The following IQCM variants were observed in gnomAD, a reference collection of about 807,000 sequenced individuals.
The protein encoded by IQCM is IQ motif containing M, also known as IQ domain-containing protein M.
In IQCM, 45 loss-of-function variants were observed where a neutral mutation model predicts 57.6. The ratio of observed to expected loss-of-function variants is 0.78; its 90% CI spans 0.62 to 1.00. The LOEUF (loss-of-function observed/expected upper bound fraction) is 1.00. Among genes scored for constraint, IQCM ranks in the 50% least tolerant of loss-of-function variants. The pLI, the probability that IQCM is intolerant of heterozygous loss-of-function variation, is 0.00. For missense variants in IQCM, 468 were observed against 511.6 expected (o/e 0.91, Z 0.82); for synonymous variants, 148 against 158.9 (o/e 0.93, Z 0.51).
At chr4:149,533,986 C>A (rs1747021924) in intron 12 of IQCM, among the ~76,000 whole-genome samples, 1 of 152,036 alleles carries the variant, frequency 6.6e-6, no homozygotes. Context: ...TGAAAAAGTC[C>A]AAGAATGATA....
At chr4:149,562,804 TAC>T (rs1392152836) in intron 10 of IQCM, among the ~76,000 whole-genome samples, 1 of 152,198 alleles carries the variant, frequency 6.6e-6, no homozygotes, top group Non-Finnish European at 1.5e-5. Context: ...TAAAAATTTA[TAC>T]CCAGAGATAG....
intron 7 of IQCM, among the ~76,000 whole-genome samples, chr4:149,674,849 G>A (rs1761612918): frequency 6.6e-6 from 1 of 152,016 alleles, no homozygotes; most frequent in East Asian, 1.9e-4. Context: ...AAAATTACAA[G>A]AGAGTGTTGT....
Position 149,760,085 on chromosome 4 carries a change from G to A in IQCM, c.-48-17346C>T, listed in dbSNP as rs1580224642. On this transcript the variant is annotated intron_variant, in intron 2 of 13. Coordinates refer to ENST00000636793, the MANE Select transcript of IQCM (RefSeq NM_001363507.2). ...TATTAGGAAAAATGGCAAGGCTGAA[G>A]ATGATGGGGAGAGAAGTCTAGATTT... Among the ~76,000 whole-genome samples, 3 of 152,146 alleles carry A rather than the reference G, an allele frequency of 2.0e-5. No homozygotes were observed. In the East Asian group the frequency reaches 5.8e-4, roughly 29 times the overall value.
chr4:149,527,988 GTT>G (rs201549907), intron 12 of IQCM, among the ~76,000 whole-genome samples: 119,939 of 136,718 alleles, frequency 0.88, 53,057 homozygotes, highest in Non-Finnish European at 0.95. Flanking sequence ...CTTGTTTTTT[GTT>G]TTTTTTTTTT....
chr4:149,551,844 T>A (rs1194515498), intron 11 of IQCM, among the ~76,000 whole-genome samples: 2 of 151,052 alleles, frequency 1.3e-5, no homozygotes, highest in Non-Finnish European at 2.9e-5. Flanking sequence ...CCAAGTAGCT[T>A]CTTAATGGGA....
intron 12 of IQCM, among the ~76,000 whole-genome samples, chr4:149,512,333 T>C (rs972606444): frequency 6.6e-6 from 1 of 152,158 alleles, no homozygotes; most frequent in Non-Finnish European, 1.5e-5. Context: ...ATTGGGGATT[T>C]CAGCACTGAC....
chr4:149,587,608 T>C (rs548157519), intron 9 of IQCM, among the ~76,000 whole-genome samples: 1 of 151,968 alleles, frequency 6.6e-6, no homozygotes, highest in South Asian at 2.1e-4. Context: ...ATATGCAGTG[T>C]CATTTACGGC....
At chr4:149,373,687 A>G (rs768605050) in intron 13 of IQCM, among the ~76,000 whole-genome samples, 77 of 152,268 alleles carry the variant, frequency 5.1e-4, no homozygotes, top group Non-Finnish European at 9.7e-4. Flanking sequence ...AGGAATTAAA[A>G]TATAAAATGG....
At chr4:149,452,738 G>T (rs548147154) in intron 12 of IQCM, among the ~76,000 whole-genome samples, 4 of 151,378 alleles carry the variant, frequency 2.6e-5, no homozygotes, top group African/African-American at 9.7e-5. Context: ...CTTTATTATC[G>T]TTATTGGTTT....
intron 2 of IQCM, among the ~76,000 whole-genome samples, chr4:149,786,858 A>G (rs577194198): frequency 2.7e-4 from 41 of 152,338 alleles, no homozygotes; most frequent in African/African-American, 9.6e-4. Flanking sequence ...AAATCATTCT[A>G]CTATAAAGAC....
intron 9 of IQCM, among the ~76,000 whole-genome samples, chr4:149,578,352 C>A (rs778887851): frequency 2.6e-5 from 4 of 151,624 alleles, no homozygotes; most frequent in African/African-American, 4.8e-5. Context: ...CATGTTTTAC[C>A]GGTAGGATAC....
At chr4:149,469,290 G>T (rs896680015) in intron 12 of IQCM, among the ~76,000 whole-genome samples, 1 of 152,154 alleles carries the variant, frequency 6.6e-6, no homozygotes, top group Non-Finnish European at 1.5e-5. Context: ...TAACCTGATG[G>T]AGCTGAAAAC....
chr4:149,768,337 G>T (rs1770251322), intron 2 of IQCM, among the ~76,000 whole-genome samples: 1 of 151,994 alleles, frequency 6.6e-6, no homozygotes, highest in African/African-American at 2.4e-5. Context: ...ACCAGAGTTA[G>T]AATTCGAAAA....
chr4:149,623,718 G>GGTGTGTGTGTGT lies in IQCM; in HGVS notation c.566-2486_566-2475dup, dbSNP rs3057342. On this transcript the variant is annotated intron_variant, in intron 7 of 13. Transcript: ENST00000636793. ...ATAGAAATAAAGGTTCTGAATCCCA[G>GGTGTGTGTGTGT]GTGTGTGTGTGTGTGTGTGTGTGTG... Among the ~76,000 whole-genome samples the GGTGTGTGTGTGT allele has an allele frequency of 4.8e-5, 7 of 146,064 alleles. No homozygotes were observed. In the South Asian group the frequency reaches 1.1e-3, roughly 23 times the overall value.
At chr4:149,678,850 TA>T in intron 7 of IQCM, among the ~76,000 whole-genome samples, 1 of 151,540 alleles carries the variant, frequency 6.6e-6, no homozygotes, top group Non-Finnish European at 1.5e-5. Flanking sequence ...TTACCCCAGT[TA>T]AAAATGGCTT....
At chr4:149,710,039 C>G (rs1367743501) in intron 5 of IQCM, among the ~76,000 whole-genome samples, 2 of 152,034 alleles carry the variant, frequency 1.3e-5, no homozygotes, top group Admixed American at 1.3e-4. Context: ...AAGAATGATC[C>G]AAATTTAATG....
intron 13 of IQCM, among the ~76,000 whole-genome samples, chr4:149,363,429 G>A (rs1729627798): frequency 6.6e-6 from 1 of 152,134 alleles, no homozygotes; most frequent in Non-Finnish European, 1.5e-5. Context: ...AGGAGAATTT[G>A]TAGAATTTAT....
chr4:149,720,563 G>A (rs1198367474), intron 5 of IQCM, among the ~76,000 whole-genome samples: 1 of 152,122 alleles, frequency 6.6e-6, no homozygotes, highest in African/African-American at 2.4e-5. Context: ...AAGAAGAAAG[G>A]AGCATGTTCA....
chr4:149,661,544 A>C (rs1057482855), intron 7 of IQCM, among the ~76,000 whole-genome samples: 3 of 152,098 alleles, frequency 2.0e-5, no homozygotes, highest in African/African-American at 7.2e-5. Flanking sequence ...TCTTTTTTAA[A>C]TATTTTGCAG....
Sources: gnomAD v4.1 joint callset for allele counts (sites outside exome capture counted in the v4.1 genomes callset) on GRCh38, gnomAD v4.1.1 for gene constraint, MANE v1.5 for transcripts, NCBI Gene and HGNC (gene_info 2026-07-23, HGNC 2026-07-21) for gene names.